Variants in JARID2 observed in about 807,000 individuals in gnomAD.
The protein encoded by JARID2 is jumonji and AT-rich interaction domain containing 2.
JARID2 carries 21 observed loss-of-function variants against 125.6 expected under a neutral mutation model. That is an observed-to-expected ratio of 0.17 (90% CI 0.12 to 0.24). JARID2 has a LOEUF of 0.24. Ranked by LOEUF, JARID2 falls within the 10% of genes least tolerant of loss-of-function variation. The pLI is 1.00. For synonymous variants in JARID2, 736 were observed against 661.6 expected (o/e 1.11, Z -1.73); for missense variants, 1,303 against 1,639.6 (o/e 0.79, Z 3.55).
chr6:15,493,069 T>A (rs1770232446), intron 6 of JARID2, among the ~76,000 whole-genome samples: 1 of 151,872 alleles, frequency 6.6e-6, no homozygotes, highest in South Asian at 2.1e-4. Context: ...GTGTTGAAAA[T>A]TTACTTCCCT....
chr6:15,389,188 A>T (rs1764907860), intron 2 of JARID2, among the ~76,000 whole-genome samples: 1 of 151,700 alleles, frequency 6.6e-6, no homozygotes, highest in African/African-American at 2.4e-5. Flanking sequence ...GTTTGTTTTT[A>T]TTTTTTCTGT....
At chr6:15,274,228 C>T (rs1760407750) in intron 1 of JARID2, among the ~76,000 whole-genome samples, 2 of 152,160 alleles carry the variant, frequency 1.3e-5, no homozygotes, top group South Asian at 4.1e-4. Flanking sequence ...CTGTGCCTGG[C>T]CTGCTTCTCT....
intron 1 of JARID2, among the ~76,000 whole-genome samples, chr6:15,342,673 T>C (rs924147044): frequency 2.6e-5 from 4 of 152,186 alleles, no homozygotes; most frequent in Admixed American, 6.5e-5. Context: ...CTATTAACTT[T>C]TCTAGTTTGT....
chr6:15,350,573 C>T (rs977969863), intron 1 of JARID2, among the ~76,000 whole-genome samples: 1 of 152,136 alleles, frequency 6.6e-6, no homozygotes, highest in Non-Finnish European at 1.5e-5. Flanking sequence ...CATCAGTCAC[C>T]TTGTTCTCAT....
chr6:15,513,870 G>A (rs767651719), intron 16 of JARID2, among the ~76,000 whole-genome samples: 1 of 152,210 alleles, frequency 6.6e-6, no homozygotes, highest in Non-Finnish European at 1.5e-5. Context: ...TCTGTTCTTG[G>A]TTTCCTGGTC....
intron 5 of JARID2, among the ~76,000 whole-genome samples, chr6:15,480,310 C>G (rs1378482147): frequency 1.3e-5 from 2 of 152,088 alleles, no homozygotes; most frequent in African/African-American, 4.8e-5. Flanking sequence ...TGGTCCTTGT[C>G]TGGATTTTTC....
intron 3 of JARID2, among the ~76,000 whole-genome samples, chr6:15,446,960 CCCTT>C (rs1241635446): frequency 6.6e-6 from 1 of 152,156 alleles, no homozygotes; most frequent in Non-Finnish European, 1.5e-5. Context: ...GTGGGTCTCA[CCCTT>C]CTCCTAGTTA....
At chr6:15,437,534 A>G (rs1400397097) in intron 3 of JARID2, among the ~76,000 whole-genome samples, 1 of 152,232 alleles carries the variant, frequency 6.6e-6, no homozygotes, top group Non-Finnish European at 1.5e-5. Flanking sequence ...ATGACATAAA[A>G]AAATAGAAGA....
rs190389362 is a variant in JARID2, at chr6:15,331,726, A to G, written c.46-42391A>G. On this transcript the variant is annotated intron_variant, in intron 1 of 17. Transcript: ENST00000341776. ...ACAAAAATTAGCCGGGTATGTTGGCAGGAGAATCGCTTGAACCCAGGAGGT... is the reference window on the plus strand; with the variant it reads ...ACAAAAATTAGCCGGGTATGTTGGCGGGAGAATCGCTTGAACCCAGGAGGT... 5.6e-3 allele frequency among the ~76,000 whole-genome samples: 846 copies of G among 152,228 alleles called. 5 individuals are homozygous for G. Among genetic ancestry groups the G allele is most frequent in the Non-Finnish European group, 8.9e-3 (606 of 68,002 alleles).
Position 15,447,033 on chromosome 6 carries a change from C to G in JARID2, c.324-4973C>G, listed in dbSNP as rs532230199. On this transcript the variant is annotated intron_variant, in intron 3 of 17. Coordinates refer to ENST00000341776, the MANE Select transcript of JARID2 (RefSeq NM_004973.4). ...TCCTTGAACATAACAAAGTGACCAG[C>G]CTTTCTTATTTCCCCAAACAGCAGC... 3.2e-4 allele frequency among the ~76,000 whole-genome samples: 48 copies of G among 152,260 alleles called. No individual in the cohort carries two copies. In the East Asian group the frequency reaches 7.5e-3, roughly 24 times the overall value.
chr6:15,453,627 A>G (rs1289548385), intron 4 of JARID2, among the ~76,000 whole-genome samples: 1 of 152,210 alleles, frequency 6.6e-6, no homozygotes, highest in Non-Finnish European at 1.5e-5. Flanking sequence ...CATCATCTTT[A>G]TCATAATTGT....
At chr6:15,248,336 G>A (rs1759269631) in intron 1 of JARID2, among the ~76,000 whole-genome samples, 2 of 145,662 alleles carry the variant, frequency 1.4e-5, no homozygotes, top group South Asian at 4.3e-4. Flanking sequence ...GCGGGCACCG[G>A]TCTACCCGGG....
rs1771782953 is a variant in JARID2, at chr6:15,520,506, T to TTA, written c.*255_*256insTA. The TTA allele has an allele frequency of 5.0e-6, 2 of 402,134 alleles. No homozygotes were observed. The highest frequency in any genetic ancestry group is 9.3e-5 in the East Asian group (2 of 21,470). The allele number at this position is 402,134 out of a possible 1,614,324, so 24.9% of individuals were successfully genotyped here. On this transcript the variant is annotated 3_prime_UTR_variant, in exon 18 of 18. Coordinates refer to ENST00000341776, the MANE Select transcript of JARID2 (RefSeq NM_004973.4). ...TTTAAAAACCCCGGAGGGGCTGTATTAATTTGTATTGCCCCATGGCTGACA... is the reference window on the plus strand; with the variant it reads ...TTTAAAAACCCCGGAGGGGCTGTATTTAAATTTGTATTGCCCCATGGCTGACA...
At chr6:15,514,723 T>C (rs1006745533) in intron 16 of JARID2, among the ~76,000 whole-genome samples, 4 of 152,246 alleles carry the variant, frequency 2.6e-5, no homozygotes, top group Admixed American at 6.5e-5. Context: ...GCAAATCACA[T>C]TGTATCAGAT....
chr6:15,492,121 G>A (rs2127725856), intron 6 of JARID2, among the ~76,000 whole-genome samples: 1 of 151,960 alleles, frequency 6.6e-6, no homozygotes, highest in African/African-American at 2.4e-5. Flanking sequence ...GGATGGCTGT[G>A]GGCCAAGGAG....
chr6:15,315,002 A>C (rs908434993), intron 1 of JARID2: 2 of 152,236 alleles, frequency 1.3e-5, no homozygotes, highest in African/African-American at 4.8e-5. Flanking sequence ...ATGACACAGA[A>C]ATTTGTGAAG....
chr6:15,511,290 A>G lies in JARID2; in HGVS notation c.2847-6A>G. 4 of 1,600,924 alleles carry G rather than the reference A, an allele frequency of 2.5e-6. No individual in the cohort carries two copies. The highest frequency in any genetic ancestry group is 3.4e-6 in the Non-Finnish European group (4 of 1,168,108). Reference sequence around the variant, plus strand: ...TGCTTGTCTCTTGTGTCTCTCAATGACCCAGGTATTGCATTCCTGCTGAGG... The same window carrying G: ...TGCTTGTCTCTTGTGTCTCTCAATGGCCCAGGTATTGCATTCCTGCTGAGG... On this transcript the variant is annotated splice_polypyrimidine_tract_variant and splice_region_variant and intron_variant, in intron 12 of 17. Coordinates refer to ENST00000341776, the MANE Select transcript of JARID2 (RefSeq NM_004973.4).
At chr6:15,257,032 G>A (rs775904946) in intron 1 of JARID2, among the ~76,000 whole-genome samples, 4 of 152,134 alleles carry the variant, frequency 2.6e-5, no homozygotes, top group Non-Finnish European at 5.9e-5. Context: ...GAGGTTTCTA[G>A]TACTGTTGTA....
intron 1 of JARID2, among the ~76,000 whole-genome samples, chr6:15,314,721 A>C (rs1280659350): frequency 6.6e-6 from 1 of 152,224 alleles, no homozygotes; most frequent in Non-Finnish European, 1.5e-5. Flanking sequence ...TAGATGCCAG[A>C]GGTAGACACT....
Sources: allele counts gnomAD v4.1 joint callset (sites outside exome capture counted in the v4.1 genomes callset), GRCh38; gene constraint gnomAD v4.1.1; transcripts MANE v1.5; gene names NCBI Gene and HGNC (gene_info 2026-07-23, HGNC 2026-07-21).